Variants in SLIT2 observed in about 807,000 individuals in gnomAD.
SLIT2 encodes the protein slit guidance ligand 2.
In SLIT2, 41 loss-of-function variants were observed where a neutral mutation model predicts 185.7. The observed-to-expected ratio is 0.22, with a 90% CI of 0.17 to 0.29. SLIT2 has a LOEUF of 0.29. Among genes scored for constraint, SLIT2 ranks in the 10% least tolerant of loss-of-function variants. The probability of loss-of-function intolerance (pLI) is 1.00; values close to 1 mark genes in which losing one functional copy is unlikely to be tolerated. For missense variants in SLIT2, 1,571 were observed against 1,909.0 expected, an observed-to-expected ratio of 0.82 and a Z score of 3.30; for synonymous variants, 693 against 680.2, an observed-to-expected ratio of 1.02 and a Z score of -0.29.
chr4:20,367,340 A>G (rs1723197683), intron 4 of SLIT2, among the ~76,000 whole-genome samples: 1 of 152,162 alleles, frequency 6.6e-6, no homozygotes, highest in African/African-American at 2.4e-5. Context: ...AGAAAAACTA[A>G]CAAATGGGAT....
intron 4 of SLIT2, among the ~76,000 whole-genome samples, chr4:20,273,110 A>C (rs1197865473): frequency 2.6e-5 from 4 of 152,136 alleles, no homozygotes; most frequent in African/African-American, 9.7e-5. Context: ...TTATTAAGGT[A>C]ATCAATTAAT....
At position 20,542,645 on chromosome 4, in the gene SLIT2, T is replaced by A; in HGVS notation, c.2276+19T>A. The A allele has an allele frequency of 1.9e-6, 3 of 1,598,852 alleles. No individual in the cohort carries two copies. The highest frequency in any genetic ancestry group is 2.6e-6 in the Non-Finnish European group (3 of 1,170,446). The stretch of plus-strand genomic sequence containing the variant: ...CAGAGTTGTAAGTAGAGCTTGTCTT[T>A]CTTTTCTTTTCTTTTTCCTTGATGA... On this transcript the variant is annotated intron_variant, in intron 21 of 36. Transcript: ENST00000504154.
At chr4:20,570,595 G>A (rs571818687) in intron 29 of SLIT2, among the ~76,000 whole-genome samples, 2 of 151,164 alleles carry the variant, frequency 1.3e-5, no homozygotes, top group Admixed American at 6.6e-5. Context: ...TATAGACAGG[G>A]CTTAAGAACC....
chr4:20,526,651 T>C (rs1721322094), intron 15 of SLIT2, among the ~76,000 whole-genome samples: 1 of 152,192 alleles, frequency 6.6e-6, no homozygotes, highest in East Asian at 1.9e-4. Flanking sequence ...TGATATAGTT[T>C]TTCCCTGTTA....
intron 4 of SLIT2, among the ~76,000 whole-genome samples, chr4:20,417,722 G>C (rs947363778): frequency 6.6e-6 from 1 of 151,518 alleles, no homozygotes; most frequent in South Asian, 2.1e-4. Context: ...CTTTCACTAT[G>C]TTGGCCAGGA....
intron 4 of SLIT2, among the ~76,000 whole-genome samples, chr4:20,459,124 C>T (rs1713409604): frequency 6.6e-6 from 1 of 150,794 alleles, no homozygotes; most frequent in South Asian, 2.1e-4. Context: ...TGAGGGTTTC[C>T]AGTGGGAGAA....
chr4:20,425,191 T>C (rs1359305195), intron 4 of SLIT2, among the ~76,000 whole-genome samples: 1 of 152,174 alleles, frequency 6.6e-6, no homozygotes, highest in Admixed American at 6.5e-5. Context: ...TTTTAATTAA[T>C]GACTTTGTAT....
chr4:20,535,868 A>G (rs1453702019), intron 18 of SLIT2, among the ~76,000 whole-genome samples: 1 of 152,030 alleles, frequency 6.6e-6, no homozygotes, highest in Non-Finnish European at 1.5e-5. Context: ...AAATATACGT[A>G]TGTTCTGATA....
chr4:20,577,745 G>A (rs956852819), intron 29 of SLIT2, among the ~76,000 whole-genome samples: 1 of 152,224 alleles, frequency 6.6e-6, no homozygotes, highest in Non-Finnish European at 1.5e-5. Context: ...ATGGTCTGTA[G>A]GAGTAGAGAG....
chr4:20,510,474 T>C (rs767306658), intron 9 of SLIT2, 21 bp from the exon 10 acceptor site: 2 of 1,559,264 alleles, frequency 1.3e-6, no homozygotes, highest in Non-Finnish European at 1.8e-6. Context: ...CATTTAAAAG[T>C]TGAATTTTTT....
At chr4:20,274,413 T>G (rs17535351) in intron 4 of SLIT2, among the ~76,000 whole-genome samples, 2 of 152,114 alleles carry the variant, frequency 1.3e-5, no homozygotes, top group Non-Finnish European at 2.9e-5. Flanking sequence ...CAACTCAAAA[T>G]AGCCATTACC....
chr4:20,330,197 G>T (rs1719945256), intron 4 of SLIT2, among the ~76,000 whole-genome samples: 1 of 151,902 alleles, frequency 6.6e-6, no homozygotes, highest in African/African-American at 2.4e-5. Flanking sequence ...TTATCAACTG[G>T]TATGTAGATT....
intron 1 of SLIT2, chr4:20,255,201 G>A (rs1441049679): frequency 8.1e-6 from 3 of 368,128 alleles, no homozygotes; most frequent in Non-Finnish European, 1.6e-5. Flanking sequence ...TAAGGGTTTC[G>A]GGCCGTGGAG....
intron 4 of SLIT2, among the ~76,000 whole-genome samples, chr4:20,297,987 A>G (rs942725844): frequency 9.9e-5 from 15 of 152,110 alleles, no homozygotes; most frequent in African/African-American, 3.4e-4. Context: ...TATTTAATCC[A>G]TATGTATCTA....
At chr4:20,304,268 A>C (rs1235543566) in intron 4 of SLIT2, among the ~76,000 whole-genome samples, 4 of 152,154 alleles carry the variant, frequency 2.6e-5, no homozygotes, top group African/African-American at 9.6e-5. Flanking sequence ...TAACTTTTTT[A>C]AAAGAAAAGA....
intron 3 of SLIT2, among the ~76,000 whole-genome samples, chr4:20,264,418 T>C (rs1213386178): frequency 4.0e-5 from 6 of 151,780 alleles, no homozygotes; most frequent in Admixed American, 3.3e-4. Context: ...TATATTTACA[T>C]GTAAATATGA....
intron 4 of SLIT2, among the ~76,000 whole-genome samples, chr4:20,309,405 T>C (rs1014925849): frequency 5.3e-5 from 8 of 152,154 alleles, no homozygotes; most frequent in East Asian, 3.9e-4. Context: ...TTATCCACTC[T>C]CTTTTCTTCT....
chr4:20,614,153 A>T (rs980782556), intron 34 of SLIT2, among the ~76,000 whole-genome samples: 2 of 152,114 alleles, frequency 1.3e-5, no homozygotes, highest in Non-Finnish European at 2.9e-5. Flanking sequence ...GATTACATGC[A>T]TGAGCCACTG....
At chr4:20,472,378 A>ATATATATATATC (rs1553908471) in intron 5 of SLIT2, among the ~76,000 whole-genome samples, 11 of 26,646 alleles carry the variant, frequency 4.1e-4, no homozygotes, top group African/African-American at 6.5e-4. Flanking sequence ...ATCTATATCT[A>ATATATATATATC]TATATATGTA....
Sources: allele counts gnomAD v4.1 joint callset (sites outside exome capture counted in the v4.1 genomes callset), GRCh38; gene constraint gnomAD v4.1.1; transcripts MANE v1.5; gene names NCBI Gene and HGNC (gene_info 2026-07-23, HGNC 2026-07-21).